The following IDH3B variants were observed in gnomAD, a reference collection of about 807,000 sequenced individuals.
IDH3B encodes isocitrate dehydrogenase (NAD(+)) 3 non-catalytic subunit beta.
A neutral mutation model predicts 47.5 loss-of-function variants in IDH3B; 40 were observed. The ratio of observed to expected loss-of-function variants is 0.84; its 90% CI spans 0.65 to 1.10. IDH3B has a LOEUF of 1.10. Among genes scored for constraint, IDH3B ranks in the 50% least tolerant of loss-of-function variants. IDH3B has a pLI of 0.00. For synonymous variants in IDH3B, 185 were observed against 191.0 expected (o/e 0.97, Z 0.26); for missense variants, 450 against 505.2 (o/e 0.89, Z 1.05).
intron 4 of IDH3B, among the ~76,000 whole-genome samples, chr20:2,663,153 A>AC (rs932160354): frequency 9.2e-5 from 14 of 151,702 alleles, no homozygotes; most frequent in African/African-American, 3.4e-4. Flanking sequence ...GGAAAAAAAA[A>AC]AAAAGAAAAG....
Position 2,660,214 on chromosome 20 carries a change from C to T in IDH3B, c.769-38G>A. On this transcript the variant is annotated intron_variant, in intron 8 of 11. Coordinates refer to ENST00000380843, the MANE Select transcript of IDH3B (RefSeq NM_006899.5). This position sits in a 1 kb window ranked among gnomAD's most constrained non-coding sequence, Gnocchi z 5.6. Reference sequence around the variant, plus strand: ...ATGCAGGCATGAAGTAAATTCCACTCCCCACCCTCCTCCTCCGCCCCATGA... The same window carrying T: ...ATGCAGGCATGAAGTAAATTCCACTTCCCACCCTCCTCCTCCGCCCCATGA... The T allele has an allele frequency of 6.2e-7, 1 of 1,614,094 alleles. No homozygotes were observed. The highest frequency in any genetic ancestry group is 8.5e-7 in the Non-Finnish European group (1 of 1,179,972).
In IDH3B at chr20:2,659,708, C is replaced by T. The variant is rs1457095738; in HGVS notation, c.1001G>A (p.Arg334Gln). The change falls in exon 10 of 12, where the codon CGG becomes CAG. Residue 334 changes from arginine (R) to glutamine (Q), a missense_variant. Physicochemically the swap from Arg to Gln is conservative, Grantham distance 43. Coordinates refer to ENST00000380843, the MANE Select transcript of IDH3B (RefSeq NM_006899.5). The part of the protein sequence containing the change: ...AMLLSASNML[R>Q]HLNLEYHSSM... The stretch of plus-strand genomic sequence containing the variant: ...GCCTCCCATGACCTACTTAAGATGC[C>T]GCAGCATGTTGGAAGCCGACAGCAG... 11 of 1,614,026 alleles carry T rather than the reference C, an allele frequency of 6.8e-6. 1 individual carries two copies. Among genetic ancestry groups the T allele is most frequent in the South Asian group, 5.5e-5 (5 of 91,076 alleles).
rs1447706107 is a variant in IDH3B at position 2,658,638 on chromosome 20, C to G, written c.*113G>C. On this transcript the variant is annotated 3_prime_UTR_variant, in exon 12 of 12. Transcript: ENST00000380843. ...GGCCCAAGGACAACCTAGGCTCTACCCAGCAAGGTGACCATGGTCCACTGC... is the reference window on the plus strand; with the variant it reads ...GGCCCAAGGACAACCTAGGCTCTACGCAGCAAGGTGACCATGGTCCACTGC... 3 of 1,613,612 alleles carry G rather than the reference C, an allele frequency of 1.9e-6. No homozygotes were observed. The highest frequency in any genetic ancestry group is 2.7e-5 in the African/African-American group (2 of 74,922).
Position 2,660,092 on chromosome 20 carries a change from C to G in IDH3B, c.853G>C (p.Val285Leu). ...NIIDNLAAGL[V>L]GGAGVVPGES... ...CCAGGGACCACACCAGCTCCCCCAA[C>G]CAGGCCAGCAGCCAGATTGTCAATA... The change falls in exon 9 of 12, where the codon GTT becomes CTT. Residue 285 changes from valine (V) to leucine (L), a missense_variant. By Grantham distance (32) the Val-to-Leu change is conservative. Transcript: ENST00000380843. This position sits in a 1 kb window ranked among gnomAD's most constrained non-coding sequence, Gnocchi z 5.6. 1 of 1,614,162 alleles carries G rather than the reference C, an allele frequency of 6.2e-7. No homozygotes were observed. Among genetic ancestry groups the G allele is most frequent in the Non-Finnish European group, 8.5e-7 (1 of 1,180,020 alleles).
chr20:2,659,187 G>A, intron 11 of IDH3B: 1 of 1,239,542 alleles, frequency 8.1e-7, no homozygotes, highest in Non-Finnish European at 1.0e-6. Context: ...TGAAGGTGAA[G>A]CTGATGCTTC....
At chr20:2,658,907 TGA>T in intron 11 of IDH3B, 70 bp from the exon 12 acceptor site, 1 of 1,603,432 alleles carries the variant, frequency 6.2e-7, no homozygotes, top group Non-Finnish European at 8.5e-7. Context: ...TAGGGCAATG[TGA>T]TTGAGGAAAT....
chr20:2,659,404 G>T, intron 11 of IDH3B, 121 bp downstream of exon 11: 1 of 1,547,108 alleles, frequency 6.5e-7, no homozygotes, highest in Non-Finnish European at 8.9e-7. Flanking sequence ...TCAGGGAGCA[G>T]ATGTTCTGGG....
Position 2,660,897 on chromosome 20 carries a change from CA to C in IDH3B, c.398+11del, listed in dbSNP as rs1450148611. 1 of 1,614,192 alleles carries C rather than the reference CA, an allele frequency of 6.2e-7. No individual in the cohort carries two copies. ...GCACCTCTCAACCATTCACCCCACC[CA>C]GACCACCTACCTCAGCCGCATATCA... On this transcript the variant is annotated intron_variant, in intron 5 of 11. Transcript: ENST00000380843. This position sits in a 1 kb window ranked among gnomAD's most constrained non-coding sequence, Gnocchi z 5.6.
intron 11 of IDH3B, 41 bp downstream of exon 11, chr20:2,659,481 AACT>A (rs768316545): frequency 6.3e-7 from 1 of 1,598,450 alleles, no homozygotes; most frequent in Non-Finnish European, 8.6e-7. Context: ...CTGACACCAG[AACT>A]ACTCTAAATC....
intron 4 of IDH3B, among the ~76,000 whole-genome samples, chr20:2,663,154 A>C (rs1384255009): frequency 6.6e-6 from 1 of 151,886 alleles, no homozygotes; most frequent in Non-Finnish European, 1.5e-5. Flanking sequence ...GAAAAAAAAA[A>C]AAAGAAAAGG....
chr20:2,661,040 AC>A (rs1163746059), intron 4 of IDH3B, 71 bp from the exon 5 acceptor site: 9 of 1,308,758 alleles, frequency 6.9e-6, no homozygotes, highest in South Asian at 1.2e-5. Context: ...CCAGTGTCTA[AC>A]CCCCTTAGGA....
At chr20:2,659,855 G>A in intron 9 of IDH3B, 62 bp from the exon 10 acceptor site, 1 of 1,463,764 alleles carries the variant, frequency 6.8e-7, no homozygotes, top group Non-Finnish European at 9.6e-7. Context: ...AGAGGCTTAG[G>A]TTGGAAAAGG....
At chr20:2,659,208 T>G in intron 11 of IDH3B, 1 of 1,371,716 alleles carries the variant, frequency 7.3e-7, no homozygotes, top group Non-Finnish European at 9.3e-7. Context: ...AGCCTGCCTG[T>G]ATCCCTTGCT....
At chr20:2,659,661 C>T (rs751589699) in intron 10 of IDH3B, 38 bp downstream of exon 10, 13 of 1,609,180 alleles carry the variant, frequency 8.1e-6, no homozygotes, top group East Asian at 4.5e-5. Flanking sequence ...CTCCTCCTCA[C>T]GACACCCAAC....
chr20:2,658,787 CTT>C lies in IDH3B; in HGVS notation c.1120_1121del (p.Lys374ValfsTer9), dbSNP rs757107227. The C allele has an allele frequency of 1.2e-6, 2 of 1,614,176 alleles. No individual in the cohort carries two copies. The highest frequency in any genetic ancestry group is 1.1e-5 in the South Asian group (1 of 91,080). On this transcript the variant is annotated frameshift_variant, in exon 12 of 12. Coordinates refer to ENST00000380843, the MANE Select transcript of IDH3B (RefSeq NM_006899.5). LOFTEE classifies it high-confidence loss of function. Reference sequence around the variant, plus strand: ...TAGTCTGCAGGTGACCGATGACAGACTTGATGAAGTCGGTTGTGGTGCTGTAG... The same window carrying C: ...TAGTCTGCAGGTGACCGATGACAGACGATGAAGTCGGTTGTGGTGCTGTAG... Reference protein sequence around the residue: ...GGYSTTTDFIKSVIGHLQTKG... With the variant: ...GGYSTTTDFIXSVIGHLQTKG...
At position 2,658,755 on chromosome 20, in the gene IDH3B, C is replaced by T. The variant is rs369372221; in HGVS notation, c.1154G>A (p.Ser385Asn). The change falls in exon 12 of 12, where the codon AGC becomes AAC. Residue 385 changes from serine to asparagine, a missense_variant. Physicochemically the swap from Ser to Asn is conservative, Grantham distance 46. Transcript: ENST00000380843. ...SVIGHLQTKG[S>N] is the part of the protein sequence containing the mutation. The stretch of plus-strand genomic sequence containing the variant: ...GGTTGGAAGAAATAAAGGGCTCTAG[C>T]TCCCTTTAGTCTGCAGGTGACCGAT... The T allele has an allele frequency of 6.2e-7, 1 of 1,614,000 alleles. No individual in the cohort carries two copies.
chr20:2,658,820 C>A lies in IDH3B; in HGVS notation c.1089G>T (p.Met363Ile). Residue 363 changes from methionine (M) to isoleucine (I), a missense_variant, in exon 12 of 12, where the codon ATG (methionine) becomes ATT (isoleucine). Physicochemically the swap from Met to Ile is conservative, Grantham distance 10 (BLOSUM62 1). Coordinates refer to ENST00000380843, the MANE Select transcript of IDH3B (RefSeq NM_006899.5). ...IKVGKVRTRD[M>I]GGYSTTTDFI... ...AGTCGGTTGTGGTGCTGTAGCCGCCCATGTCTCGAGTCCGCACCTACAGCC... is the reference window on the plus strand; with the variant it reads ...AGTCGGTTGTGGTGCTGTAGCCGCCAATGTCTCGAGTCCGCACCTACAGCC... The A allele has an allele frequency of 6.2e-7, 1 of 1,614,142 alleles. No individual in the cohort carries two copies. Among genetic ancestry groups the A allele is most frequent in the Non-Finnish European group, 8.5e-7 (1 of 1,180,026 alleles).
At chr20:2,659,942 A>G in intron 9 of IDH3B, 88 bp downstream of exon 9, 1 of 1,570,888 alleles carries the variant, frequency 6.4e-7, no homozygotes, top group East Asian at 2.2e-5. Flanking sequence ...GAACAGGCCA[A>G]GATCACTTAG....
In IDH3B at chr20:2,659,570, G is replaced by A. The variant is rs201608149; in HGVS notation, c.1026C>T (p.Ser342=). Residue 342 remains serine (S), a synonymous_variant, in exon 11 of 12, where the codon TCC becomes TCT. Transcript: ENST00000380843. ...TCTTCACCGCATCTGCGATCATGCTGGAGTGATACTCAAGACTGTGGATAT... is the reference window on the plus strand; with the variant it reads ...TCTTCACCGCATCTGCGATCATGCTAGAGTGATACTCAAGACTGTGGATAT... ...MLRHLNLEYH[S]SMIADAVKKV... is the part of the protein sequence containing the mutation. The A allele has an allele frequency of 7.0e-5, 113 of 1,614,154 alleles. No individual in the cohort carries two copies. Among genetic ancestry groups the A allele is most frequent in the Admixed American group, 2.2e-4 (13 of 60,030 alleles).
Sources: gnomAD v4.1 joint callset for allele counts (sites outside exome capture counted in the v4.1 genomes callset) on GRCh38, gnomAD v4.1.1 for gene constraint, Gnocchi (gnomAD v3.1) non-coding constraint, MANE v1.5 for transcripts, NCBI Gene and HGNC (gene_info 2026-07-23, HGNC 2026-07-21) for gene names.